WDFY4: variants seen among roughly 807,000 people sequenced by gnomAD.
WDFY4 encodes the protein WDFY family member 4.
WDFY4 carries 169 observed loss-of-function variants against 351.9 expected under a neutral mutation model. The observed-to-expected ratio is 0.48, with a 90% CI of 0.42 to 0.55. The LOEUF (loss-of-function observed/expected upper bound fraction) is 0.55, where lower values mean the gene tolerates loss of function less well. Ranked by LOEUF, WDFY4 falls within the 20% of genes least tolerant of loss-of-function variation. The pLI is 0.00. For missense variants in WDFY4, 3,803 were observed against 3,935.6 expected (o/e 0.97, Z 0.90); for synonymous variants, 1,622 against 1,574.6 (o/e 1.03, Z -0.71).
chr10:48,825,909 C>G (rs1407719358), intron 35 of WDFY4, among the ~76,000 whole-genome samples: 3 of 151,928 alleles, frequency 2.0e-5, no homozygotes, highest in Non-Finnish European at 4.4e-5. Context: ...TATAGGTTAC[C>G]TGTTTGCTCT....
intron 16 of WDFY4, 37 bp from the exon 17 acceptor site, chr10:48,777,382 T>G: frequency 1.3e-6 from 2 of 1,536,478 alleles, no homozygotes; most frequent in Non-Finnish European, 1.8e-6. Flanking sequence ...GAGATTGGCT[T>G]GCAGTCCAAT....
chr10:48,704,295 C>T (rs998759747), intron 1 of WDFY4, among the ~76,000 whole-genome samples: 2 of 152,210 alleles, frequency 1.3e-5, no homozygotes, highest in African/African-American at 4.8e-5. Context: ...CCTGGCCCCA[C>T]TGCCCCCTCT....
At position 48,788,682 on chromosome 10, in the gene WDFY4, C is replaced by T; in HGVS notation, c.3954+7C>T. On this transcript the variant is annotated splice_region_variant and intron_variant, in intron 21 of 61. Transcript: ENST00000325239. The stretch of plus-strand genomic sequence containing the variant: ...CCGCCTGATCGCCAAAGAGGTACAT[C>T]TTCTAACTTCGCTGCTAATCTCTGT... 6.4e-7 allele frequency: 1 copy of T among 1,551,220 alleles called. No homozygotes were observed. The highest frequency in any genetic ancestry group is 8.7e-7 in the Non-Finnish European group (1 of 1,146,624).
At chr10:48,810,425 A>T in intron 28 of WDFY4, 105 bp from the exon 29 acceptor site, 1 of 1,068,968 alleles carries the variant, frequency 9.4e-7, no homozygotes, top group Non-Finnish European at 1.3e-6. Context: ...GTTAACCTTA[A>T]CTTGCCTCTC....
At chr10:48,780,220 T>G in intron 19 of WDFY4, 101 bp downstream of exon 19, 1 of 1,418,698 alleles carries the variant, frequency 7.0e-7, no homozygotes, top group Non-Finnish European at 9.5e-7. Flanking sequence ...TGTTGTTTGT[T>G]TGTTTGTTTA....
Position 48,978,142 on chromosome 10 carries a change from C to G in WDFY4, c.9292-167C>G, listed in dbSNP as rs539475983. Among the ~76,000 whole-genome samples, 3 of 152,250 alleles carry G rather than the reference C, an allele frequency of 2.0e-5. No individual in the cohort carries two copies. In the East Asian group the frequency reaches 5.8e-4, roughly 29 times the overall value. ...AACCTCTGCATGAGGAAGCTGAAGG[C>G]TAAATAACCTTTTACCTGATGATAA... On this transcript the variant is annotated intron_variant, in intron 59 of 61. Coordinates refer to ENST00000325239, the MANE Select transcript of WDFY4 (RefSeq NM_001394531.1).
rs1291657226 is a variant in WDFY4, at chr10:48,936,679, T to C, written c.7587-5127T>C. Reference sequence around the variant, plus strand: ...AGTGAAACCCCGTCTCTACTAAAAATACAAAAACATTAGTTGGGCATTGTG... The same window carrying C: ...AGTGAAACCCCGTCTCTACTAAAAACACAAAAACATTAGTTGGGCATTGTG... On this transcript the variant is annotated intron_variant, in intron 47 of 61. Transcript: ENST00000325239. Among the ~76,000 whole-genome samples, 6 of 151,476 alleles carry C rather than the reference T, an allele frequency of 4.0e-5. No individual in the cohort carries two copies. The East Asian group carries it at 9.8e-4, about 25-fold the overall frequency.
chr10:48,686,287 T>A (rs1414903058), intron 1 of WDFY4, among the ~76,000 whole-genome samples: 4 of 139,592 alleles, frequency 2.9e-5, no homozygotes, highest in African/African-American at 1.1e-4. Context: ...TCAAGACCAG[T>A]CTGGACAACA....
chr10:48,762,963 T>C (rs1482530887), intron 13 of WDFY4, among the ~76,000 whole-genome samples: 1 of 152,184 alleles, frequency 6.6e-6, no homozygotes, highest in Non-Finnish European at 1.5e-5. Context: ...GAGATGCCTA[T>C]GGGGAAATAT....
rs1589991546 is a variant in WDFY4, at chr10:48,957,421, G to A, written c.8131+139G>A. On this transcript the variant is annotated intron_variant, in intron 52 of 61. Coordinates refer to ENST00000325239, the MANE Select transcript of WDFY4 (RefSeq NM_001394531.1). ...CAACTTCGGGTGAGGTCTCCACTGGGCAGCAGTGCCCAGAAGGAAAGGTGG... is the reference window on the plus strand; with the variant it reads ...CAACTTCGGGTGAGGTCTCCACTGGACAGCAGTGCCCAGAAGGAAAGGTGG... 7 of 1,120,618 alleles carry A rather than the reference G, an allele frequency of 6.2e-6. No individual in the cohort carries two copies. In the East Asian group the frequency reaches 1.6e-4, roughly 25 times the overall value. 69.4% of individuals were successfully genotyped at this position (1,120,618 alleles called of 1,614,324 possible). A position where few individuals can be genotyped will look rare whatever the true frequency, so the allele number is the denominator to read the frequency against.
At chr10:48,690,770 T>A (rs1269974656) in intron 1 of WDFY4, among the ~76,000 whole-genome samples, 1 of 152,146 alleles carries the variant, frequency 6.6e-6, no homozygotes, top group Non-Finnish European at 1.5e-5. Context: ...CGTCTCTCCA[T>A]CCTCTGCTCT....
At chr10:48,745,549 G>A (rs1303082022) in intron 12 of WDFY4, 1 of 445,720 alleles carries the variant, frequency 2.2e-6, no homozygotes, top group South Asian at 2.0e-5. Flanking sequence ...GGGCTCATGG[G>A]TCTTGAGGGC....
chr10:48,757,226 T>A (rs1370051336), intron 12 of WDFY4, among the ~76,000 whole-genome samples: 2 of 152,014 alleles, frequency 1.3e-5, no homozygotes, highest in Admixed American at 6.6e-5. Flanking sequence ...CTGAGAGGAG[T>A]GTTGAACTCT....
At position 48,826,676 on chromosome 10, in the gene WDFY4, T is replaced by A; in HGVS notation, c.5988T>A (p.Ile1996=). ...LFILEHIMVV[I]ETASSQRDTV... ...ATGTTTTTTTAATGACACAGGTCAT[T>A]GAGACTGCCTCTTCTCAAAGGGACA... Residue 1996 remains isoleucine (I), a synonymous_variant, in exon 36 of 62, where the codon ATT becomes ATA. Transcript: ENST00000325239. 1 of 1,550,690 alleles carries A rather than the reference T, an allele frequency of 6.4e-7. No homozygotes were observed. Among genetic ancestry groups the A allele is most frequent in the Non-Finnish European group, 8.7e-7 (1 of 1,146,012 alleles).
intron 32 of WDFY4, among the ~76,000 whole-genome samples, chr10:48,819,047 C>T (rs12775289): frequency 0.079 from 11,982 of 152,264 alleles, 721 homozygotes; most frequent in Admixed American, 0.19. Context: ...TCTGCTGAGT[C>T]GGGGCTCCAG....
At chr10:48,917,521 G>A (rs1374171711) in intron 47 of WDFY4, among the ~76,000 whole-genome samples, 1 of 152,186 alleles carries the variant, frequency 6.6e-6, no homozygotes, top group African/African-American at 2.4e-5. Flanking sequence ...ATCACCCACA[G>A]GGGAACAGCA....
intron 43 of WDFY4, among the ~76,000 whole-genome samples, chr10:48,879,810 C>T (rs1223487597): frequency 1.3e-5 from 2 of 152,032 alleles, no homozygotes; most frequent in South Asian, 2.1e-4. Context: ...CCCTGTGGCC[C>T]TTCCTCCTTT....
intron 47 of WDFY4, among the ~76,000 whole-genome samples, chr10:48,906,014 T>C (rs778330985): frequency 4.1e-4 from 62 of 152,222 alleles, no homozygotes; most frequent in Non-Finnish European, 7.9e-4. Context: ...GTGGTGGCCC[T>C]CAGCCTTAGG....
intron 47 of WDFY4, among the ~76,000 whole-genome samples, chr10:48,938,481 C>G (rs1005122300): frequency 6.6e-6 from 1 of 152,276 alleles, no homozygotes; most frequent in South Asian, 2.1e-4. Context: ...GCTCTGCCAG[C>G]CCCCGATGGA....
Sources: allele counts gnomAD v4.1 joint callset (sites outside exome capture counted in the v4.1 genomes callset), GRCh38; gene constraint gnomAD v4.1.1; transcripts MANE v1.5; gene names NCBI Gene and HGNC (gene_info 2026-07-23, HGNC 2026-07-21).